GFOD2: variants seen among roughly 807,000 people sequenced by gnomAD.
The protein encoded by GFOD2 is glucose-fructose oxidoreductase domain-containing protein 2.
A neutral mutation model predicts 24.6 loss-of-function variants in GFOD2; 9 were observed. The ratio of observed to expected loss-of-function variants is 0.37; its 90% CI spans 0.22 to 0.64. GFOD2 has a LOEUF of 0.64. GFOD2 is among the 30% of genes least tolerant of loss of function. The probability of loss-of-function intolerance (pLI) is 0.65; values close to 1 mark genes in which losing one functional copy is unlikely to be tolerated. For missense variants in GFOD2, 476 were observed against 532.5 expected, an observed-to-expected ratio of 0.89 and a Z score of 1.04; for synonymous variants, 211 against 224.8, an observed-to-expected ratio of 0.94 and a Z score of 0.55.
At chr16:67,707,322 C>T (rs1174430865) in intron 1 of GFOD2, among the ~76,000 whole-genome samples, 1 of 149,848 alleles carries the variant, frequency 6.7e-6, no homozygotes, top group East Asian at 2.0e-4. Context: ...CGCGCCATTG[C>T]ACTCCAGCCT....
intron 2 of GFOD2, chr16:67,681,396 A>C (rs2053224232): frequency 1.0e-6 from 1 of 984,970 alleles, no homozygotes; most frequent in Non-Finnish European, 1.2e-6. Flanking sequence ...AGAGGGAAAG[A>C]CCTCTCTTCT....
intron 1 of GFOD2, among the ~76,000 whole-genome samples, chr16:67,706,073 C>T (rs373014622): frequency 3.3e-5 from 5 of 150,134 alleles, no homozygotes; most frequent in East Asian, 4.0e-4. Flanking sequence ...ACCTCCGCCT[C>T]CGGGGTTCAA....
At chr16:67,704,752 T>C (rs1223756852) in intron 1 of GFOD2, among the ~76,000 whole-genome samples, 1 of 152,240 alleles carries the variant, frequency 6.6e-6, no homozygotes, top group East Asian at 1.9e-4. Flanking sequence ...TAATAAATGT[T>C]AGATGATGAT....
intron 2 of GFOD2, chr16:67,676,441 T>C (rs1482911766): frequency 4.7e-6 from 1 of 212,478 alleles, no homozygotes; most frequent in Non-Finnish European, 9.4e-6. Context: ...TAAATCTCTG[T>C]CTTAAACACC....
At position 67,675,089 on chromosome 16, in the gene GFOD2, G is replaced by A. The variant is rs769822147; in HGVS notation, c.*66C>T. The A allele has an allele frequency of 1.3e-5, 20 of 1,509,884 alleles. No individual in the cohort carries two copies. The highest frequency in any genetic ancestry group is 1.8e-5 in the Non-Finnish European group (20 of 1,113,742). 93.5% of individuals were successfully genotyped at this position (1,509,884 alleles called of 1,614,324 possible). ...CTGTCTCTGCTAGGGCCAAGTCCCTGTCATGTCTGGCTCCTGTTCCCCTCC... is the reference window on the plus strand; with the variant it reads ...CTGTCTCTGCTAGGGCCAAGTCCCTATCATGTCTGGCTCCTGTTCCCCTCC... On this transcript the variant is annotated 3_prime_UTR_variant, in exon 3 of 3. Transcript: ENST00000268797.
intron 2 of GFOD2, chr16:67,682,423 A>G: frequency 1.0e-6 from 1 of 985,454 alleles, no homozygotes; most frequent in Non-Finnish European, 1.2e-6. Context: ...TTAAGAAAAC[A>G]TTCAACTGTG....
intron 1 of GFOD2, among the ~76,000 whole-genome samples, chr16:67,713,177 C>G (rs1265875689): frequency 6.6e-6 from 1 of 151,820 alleles, no homozygotes; most frequent in Non-Finnish European, 1.5e-5. Flanking sequence ...AGCCGCCACA[C>G]TGGCCAGACA....
intron 1 of GFOD2, among the ~76,000 whole-genome samples, chr16:67,692,894 A>G (rs1266229237): frequency 2.0e-5 from 3 of 151,338 alleles, no homozygotes; most frequent in East Asian, 2.0e-4. Context: ...TCCAGGCGTG[A>G]TGGTGGGCAC....
Position 67,675,884 on chromosome 16 carries a change from T to A in GFOD2, c.429A>T (p.Gly143=), listed in dbSNP as rs1308411883. 6.2e-7 allele frequency: 1 copy of A among 1,614,078 alleles called. No individual in the cohort carries two copies. Among genetic ancestry groups the A allele is most frequent in the East Asian group, 2.2e-5 (1 of 44,872 alleles). ...MKQLISEHYV[G]AVMICDARIY... ...TGCGGGCATCACAGATCATCACCGC[T>A]CCCACATAGTGTTCCGAAATCAGCT... is the stretch of plus-strand genomic sequence containing the variant. The change falls in exon 3 of 3, where the codon GGA becomes GGT. Residue 143 remains glycine (G), a synonymous_variant. Transcript: ENST00000268797.
intron 1 of GFOD2, among the ~76,000 whole-genome samples, chr16:67,686,133 T>A (rs1448063093): frequency 6.6e-6 from 1 of 151,948 alleles, no homozygotes; most frequent in African/African-American, 2.4e-5. Flanking sequence ...TATTAAAAAA[T>A]AGCCAGATGT....
At chr16:67,679,163 T>C (rs1385957893) in intron 2 of GFOD2, among the ~76,000 whole-genome samples, 2 of 152,040 alleles carry the variant, frequency 1.3e-5, no homozygotes, top group African/African-American at 2.4e-5. Context: ...TGAGACTTTG[T>C]CTCAAATAAA....
chr16:67,683,459 T>TTGC lies in GFOD2; in HGVS notation c.259+1995_259+1997dup, dbSNP rs2053242937. On this transcript the variant is annotated intron_variant, in intron 2 of 2. Coordinates refer to ENST00000268797, the MANE Select transcript of GFOD2 (RefSeq NM_030819.4). The stretch of plus-strand genomic sequence containing the variant: ...GCGGCTTGCTTCCCCTTGAACCAAC[T>TTGC]TGCTGCTAAAGTGTTGACTTAGGTC... 1.4e-5 allele frequency: 17 copies of TTGC among 1,231,136 alleles called. 1 individual carries two copies. In the South Asian group the frequency reaches 6.6e-4, roughly 48 times the overall value. 76.3% of individuals were successfully genotyped at this position (1,231,136 alleles called of 1,614,324 possible).
chr16:67,703,423 A>G (rs1298043303), intron 1 of GFOD2, among the ~76,000 whole-genome samples: 1 of 151,048 alleles, frequency 6.6e-6, no homozygotes, highest in African/African-American at 2.5e-5. Flanking sequence ...AAAACAAAAC[A>G]AAACAAAAAG....
chr16:67,690,767 T>C (rs2053306627), intron 1 of GFOD2, among the ~76,000 whole-genome samples: 1 of 152,220 alleles, frequency 6.6e-6, no homozygotes, highest in African/African-American at 2.4e-5. Context: ...GGGAAAAATC[T>C]CTAACACAAC....
At chr16:67,718,090 T>C (rs886469270) in intron 1 of GFOD2, among the ~76,000 whole-genome samples, 1 of 152,252 alleles carries the variant, frequency 6.6e-6, no homozygotes, top group Admixed American at 6.5e-5. Flanking sequence ...TTATCAAGAA[T>C]GAATCTAGCT....
At chr16:67,709,814 C>T (rs1424727468) in intron 1 of GFOD2, among the ~76,000 whole-genome samples, 2 of 152,020 alleles carry the variant, frequency 1.3e-5, no homozygotes, top group Non-Finnish European at 2.9e-5. Flanking sequence ...ACGGGGTTTC[C>T]CATATTGCCC....
At chr16:67,688,162 C>T (rs1331690300) in intron 1 of GFOD2, among the ~76,000 whole-genome samples, 1 of 151,432 alleles carries the variant, frequency 6.6e-6, no homozygotes, top group African/African-American at 2.4e-5. Context: ...CACATTGTCA[C>T]TGAAAGGGAA....
chr16:67,695,159 G>T (rs1411982161), intron 1 of GFOD2, among the ~76,000 whole-genome samples: 1 of 151,866 alleles, frequency 6.6e-6, no homozygotes, highest in Non-Finnish European at 1.5e-5. Flanking sequence ...ACCATACCCA[G>T]CTAATCTTTG....
At chr16:67,695,534 GT>G (rs775681594) in intron 1 of GFOD2, among the ~76,000 whole-genome samples, 111 of 132,530 alleles carry the variant, frequency 8.4e-4, no homozygotes, top group African/African-American at 1.0e-3. Flanking sequence ...TTCTACTTAA[GT>G]TTTTTTTTTT....
Sources: gnomAD v4.1 joint callset for allele counts (sites outside exome capture counted in the v4.1 genomes callset) on GRCh38, gnomAD v4.1.1 for gene constraint, MANE v1.5 for transcripts, NCBI Gene and HGNC (gene_info 2026-07-23, HGNC 2026-07-21) for gene names.